The following RASGEF1A variants were observed in gnomAD, a reference collection of about 807,000 sequenced individuals.
RASGEF1A encodes ras-GEF domain-containing family member 1A.
In RASGEF1A, 18 loss-of-function variants were observed where a neutral mutation model predicts 56.4. The ratio of observed to expected loss-of-function variants is 0.32; its 90% confidence interval spans 0.22 to 0.47. The LOEUF (loss-of-function observed/expected upper bound fraction) is 0.47, where lower values mean the gene tolerates loss of function less well. Ranked by LOEUF, RASGEF1A falls within the 20% of genes least tolerant of loss-of-function variation. The pLI, the probability that RASGEF1A is intolerant of heterozygous loss-of-function variation, is 1.00. For synonymous variants in RASGEF1A, 245 were observed against 242.6 expected (o/e 1.01, Z -0.09); for missense variants, 422 against 627.1 (o/e 0.67, Z 3.49).
intron 1 of RASGEF1A, among the ~76,000 whole-genome samples, chr10:43,220,316 T>C (rs1840191558): frequency 6.6e-6 from 1 of 151,972 alleles, no homozygotes; most frequent in Non-Finnish European, 1.5e-5. Context: ...CTGGGCAACA[T>C]AGGGAGATCC....
intron 1 of RASGEF1A, among the ~76,000 whole-genome samples, chr10:43,257,929 G>C (rs1043671067): frequency 6.6e-6 from 1 of 152,252 alleles, no homozygotes; most frequent in Admixed American, 6.5e-5. Context: ...GCAGCCTGGA[G>C]AGGACAGACA....
chr10:43,257,055 G>A (rs558254651), intron 1 of RASGEF1A, among the ~76,000 whole-genome samples: 3 of 152,322 alleles, frequency 2.0e-5, no homozygotes, highest in East Asian at 1.9e-4. Context: ...ATGGCCTGCA[G>A]TGGGTGAGGT....
chr10:43,237,006 C>T (rs1459050804), intron 1 of RASGEF1A, among the ~76,000 whole-genome samples: 2 of 151,918 alleles, frequency 1.3e-5, no homozygotes, highest in African/African-American at 2.4e-5. Flanking sequence ...TTAGGACCAG[C>T]GTGGCCTTGT....
intron 1 of RASGEF1A, among the ~76,000 whole-genome samples, chr10:43,244,112 G>A (rs542452444): frequency 6.6e-6 from 1 of 152,296 alleles, no homozygotes; most frequent in African/African-American, 2.4e-5. Context: ...TCTGAAACAT[G>A]TGCTGTGTCA....
At chr10:43,233,028 A>G (rs1464071770) in intron 1 of RASGEF1A, among the ~76,000 whole-genome samples, 1 of 151,824 alleles carries the variant, frequency 6.6e-6, no homozygotes, top group Non-Finnish European at 1.5e-5. Flanking sequence ...CCTGCGTGCA[A>G]TGTGCTCTGC....
chr10:43,214,797 T>A (rs1792155023), intron 1 of RASGEF1A, among the ~76,000 whole-genome samples: 1 of 152,200 alleles, frequency 6.6e-6, no homozygotes, highest in African/African-American at 2.4e-5. Flanking sequence ...TTGCTTTAAG[T>A]GTGCATCGTT....
chr10:43,241,125 T>G (rs893133773), intron 1 of RASGEF1A, among the ~76,000 whole-genome samples: 2 of 152,194 alleles, frequency 1.3e-5, no homozygotes, highest in Non-Finnish European at 1.5e-5. Context: ...TGAAATCATG[T>G]GAAAAAATAA....
At chr10:43,250,643 G>GC (rs1168328068) in intron 1 of RASGEF1A, among the ~76,000 whole-genome samples, 2 of 105,664 alleles carry the variant, frequency 1.9e-5, no homozygotes, top group Middle Eastern at 5.1e-3. Context: ...CGAAGGGGAA[G>GC]GGGGGGGTCA....
In RASGEF1A at chr10:43,196,696, G is replaced by A. The variant is rs1839803405; in HGVS notation, c.1349-148C>T. 3.7e-6 allele frequency: 3 copies of A among 814,676 alleles called. No individual in the cohort carries two copies. The East Asian group carries it at 7.9e-5, about 21-fold the overall frequency. 50.5% of individuals were successfully genotyped at this position (814,676 alleles called of 1,614,324 possible). On this transcript the variant is annotated intron_variant, in intron 11 of 12. Coordinates refer to ENST00000395810, the MANE Select transcript of RASGEF1A (RefSeq NM_145313.4). The surrounding 1 kb of genome is among the most constrained non-coding windows in gnomAD (Gnocchi z 4.6). ...GTTCTCTGCTGTGCGGGGCTCTCAG[G>A]CTGCCTGTTGGGGACTCTAGGAAGG...
chr10:43,207,956 A>C, intron 1 of RASGEF1A: 1 of 841,902 alleles, frequency 1.2e-6, no homozygotes, highest in Non-Finnish European at 1.4e-6. Context: ...GGTTTAACCT[A>C]GACTGTTGAC....
At chr10:43,202,658 C>T (rs1388095957) in intron 3 of RASGEF1A, 2 of 464,358 alleles carry the variant, frequency 4.3e-6, no homozygotes, top group East Asian at 1.4e-4. Flanking sequence ...GCCCCCGCAC[C>T]ACCCAGCCCG....
At chr10:43,252,886 C>T (rs137878638) in intron 1 of RASGEF1A, among the ~76,000 whole-genome samples, 4 of 152,048 alleles carry the variant, frequency 2.6e-5, no homozygotes, top group Non-Finnish European at 4.4e-5. Flanking sequence ...TGGGACTAAC[C>T]GCTCCCCTGC....
intron 9 of RASGEF1A, 41 bp downstream of exon 9, chr10:43,198,892 A>C: frequency 6.3e-7 from 1 of 1,580,210 alleles, no homozygotes. Flanking sequence ...GCGGGACGAA[A>C]TGGGTGCAGC....
intron 1 of RASGEF1A, among the ~76,000 whole-genome samples, chr10:43,237,887 A>C (rs895349465): frequency 1.3e-5 from 2 of 152,180 alleles, no homozygotes; most frequent in African/African-American, 4.8e-5. Context: ...TCCCACAGGG[A>C]ATAGAGCCCT....
At chr10:43,253,131 G>A (rs59762957) in intron 1 of RASGEF1A, among the ~76,000 whole-genome samples, 3,344 of 152,170 alleles carry the variant, frequency 0.022, 131 homozygotes, top group African/African-American at 0.076. Context: ...CACGCCCACC[G>A]TAGCAAGGCC....
In RASGEF1A at chr10:43,255,150, G is replaced by A. The variant is rs532189066; in HGVS notation, c.-7+11695C>T. Reference sequence around the variant, plus strand: ...CCTCCAGCCGGTGTCGGGCTTGGCTGCAGTGGGAATGCCCAGCAGGAAGGA... The same window carrying A: ...CCTCCAGCCGGTGTCGGGCTTGGCTACAGTGGGAATGCCCAGCAGGAAGGA... On this transcript the variant is annotated intron_variant, in intron 1 of 12. Transcript: ENST00000395810. Among the ~76,000 whole-genome samples, 297 of 152,274 alleles carry A rather than the reference G, an allele frequency of 2.0e-3. 3 individuals are homozygous for A. The Middle Eastern group carries it at 0.02, about 10-fold the overall frequency.
At chr10:43,217,448 T>A (rs1183569312) in intron 1 of RASGEF1A, among the ~76,000 whole-genome samples, 1 of 152,174 alleles carries the variant, frequency 6.6e-6, no homozygotes, top group East Asian at 1.9e-4. Context: ...CCATCCCCAC[T>A]GCACCTAGGC....
At chr10:43,199,322 AG>A in intron 7 of RASGEF1A, 128 bp from the exon 8 acceptor site, 1 of 733,332 alleles carries the variant, frequency 1.4e-6, no homozygotes, top group Non-Finnish European at 2.4e-6. Flanking sequence ...GGGCTGATCC[AG>A]GTCCATGGCT....
intron 1 of RASGEF1A, among the ~76,000 whole-genome samples, chr10:43,263,830 G>A (rs1287503744): frequency 1.3e-5 from 2 of 152,122 alleles, no homozygotes; most frequent in South Asian, 2.1e-4. Context: ...CGGGACAACC[G>A]GACTACTCTC....
Sources: allele counts gnomAD v4.1 joint callset (sites outside exome capture counted in the v4.1 genomes callset), GRCh38; gene constraint gnomAD v4.1.1; non-coding constraint Gnocchi (gnomAD v3.1); transcripts MANE v1.5; gene names NCBI Gene and HGNC (gene_info 2026-07-23, HGNC 2026-07-21).